BMPR2: variants seen among roughly 807,000 people sequenced by gnomAD.
BMPR2 encodes the protein bone morphogenetic protein receptor type 2.
In BMPR2, 29 loss-of-function variants were observed where a neutral mutation model predicts 100.8. That is an observed-to-expected ratio of 0.29 (90% CI 0.21 to 0.39). BMPR2 has a LOEUF of 0.39. BMPR2 is among the 10% of genes least tolerant of loss of function. BMPR2 has a pLI of 1.00. For missense variants in BMPR2, 1,011 were observed against 1,274.5 expected (o/e 0.79, Z 3.15); for synonymous variants, 382 against 442.3 (o/e 0.86, Z 1.71).
chr2:202,455,855 G>A (rs1486866530), intron 1 of BMPR2, among the ~76,000 whole-genome samples: 3 of 151,762 alleles, frequency 2.0e-5, no homozygotes, highest in Non-Finnish European at 4.4e-5. Flanking sequence ...CATGAGGTCA[G>A]GAGATCGAGA....
chr2:202,428,168 A>G (rs922029431), intron 1 of BMPR2, among the ~76,000 whole-genome samples: 4 of 152,272 alleles, frequency 2.6e-5, no homozygotes, highest in Admixed American at 2.0e-4. Context: ...AGGACAGAAT[A>G]TAATATTCTA....
chr2:202,443,528 TTCTC>T (rs1369180720), intron 1 of BMPR2, among the ~76,000 whole-genome samples: 5 of 149,852 alleles, frequency 3.3e-5, no homozygotes, highest in Non-Finnish European at 7.4e-5. Context: ...TTTCCTTTCT[TTCTC>T]TCTCTCTTTC....
intron 1 of BMPR2, among the ~76,000 whole-genome samples, chr2:202,457,656 A>G (rs950720039): frequency 1.3e-5 from 2 of 151,492 alleles, no homozygotes; most frequent in East Asian, 3.9e-4. Context: ...TCATACTTTC[A>G]TCTTTTTCCC....
chr2:202,392,991 CAA>C (rs57464494), intron 1 of BMPR2, among the ~76,000 whole-genome samples: 1,172 of 95,742 alleles, frequency 0.012, 12 homozygotes, highest in African/African-American at 0.041. Context: ...AACTCCGTCT[CAA>C]AAAAAAAAAA....
At chr2:202,457,460 AAAG>A (rs1172464922) in intron 1 of BMPR2, among the ~76,000 whole-genome samples, 5 of 150,886 alleles carry the variant, frequency 3.3e-5, no homozygotes, top group South Asian at 2.1e-4. Context: ...TTTTAGAATG[AAAG>A]AAGAAACAGA....
In BMPR2 at chr2:202,443,625, G is replaced by A. The variant is rs554093858; in HGVS notation, c.77-21184G>A. ...GTCACCCAGGCTGGAGTGCAGTGGC[G>A]CGATCTCGGCTGACTACAACCTCCA... On this transcript the variant is annotated intron_variant, in intron 1 of 12. Coordinates refer to ENST00000374580, the MANE Select transcript of BMPR2 (RefSeq NM_001204.7). Among the ~76,000 whole-genome samples, 111 of 149,110 alleles carry A rather than the reference G, an allele frequency of 7.4e-4. 7 individuals carry two copies. Among genetic ancestry groups the A allele is most frequent in the African/African-American group, 2.7e-3 (105 of 39,022 alleles).
chr2:202,550,604 C>T (rs76024204), intron 10 of BMPR2, among the ~76,000 whole-genome samples: 18,031 of 151,936 alleles, frequency 0.12, 1,185 homozygotes, highest in Admixed American at 0.14. Context: ...CCTGTAATCC[C>T]AGCACTTTGG....
Position 202,414,359 on chromosome 2 carries a change from C to T in BMPR2, c.76+36809C>T, listed in dbSNP as rs979685824. On this transcript the variant is annotated intron_variant, in intron 1 of 12. Coordinates refer to ENST00000374580, the MANE Select transcript of BMPR2 (RefSeq NM_001204.7). Reference sequence around the variant, plus strand: ...CTGTCTCCCTGTTTTCAGGCCTCCCCGTTTCCTGAGACACAAATATTGAAT... The same window carrying T: ...CTGTCTCCCTGTTTTCAGGCCTCCCTGTTTCCTGAGACACAAATATTGAAT... Among the ~76,000 whole-genome samples the T allele has an allele frequency of 9.2e-5, 14 of 152,204 alleles. No homozygotes were observed. The East Asian group carries it at 1.7e-3, about 19-fold the overall frequency.
intron 3 of BMPR2, among the ~76,000 whole-genome samples, chr2:202,473,828 C>A (rs1257784847): frequency 6.7e-6 from 1 of 148,304 alleles, no homozygotes; most frequent in Middle Eastern, 3.4e-3. Context: ...ATAAAATAGC[C>A]AGGCGCAGTG....
intron 5 of BMPR2, 40 bp downstream of exon 5, chr2:202,515,019 T>G: frequency 2.0e-6 from 3 of 1,522,386 alleles, no homozygotes; most frequent in Non-Finnish European, 2.7e-6. Flanking sequence ...GTTTCTACTG[T>G]GATACTAGAC....
intron 1 of BMPR2, among the ~76,000 whole-genome samples, chr2:202,410,107 C>T (rs1374446199): frequency 6.6e-6 from 1 of 152,056 alleles, no homozygotes; most frequent in Non-Finnish European, 1.5e-5. Context: ...GCCTCAGCCT[C>T]CCTAGTAGCT....
intron 7 of BMPR2, among the ~76,000 whole-genome samples, chr2:202,529,726 GATT>G (rs1478216961): frequency 6.6e-6 from 1 of 152,024 alleles, no homozygotes; most frequent in African/African-American, 2.4e-5. Context: ...TTAAATCAAT[GATT>G]ATTATAATTA....
intron 1 of BMPR2, among the ~76,000 whole-genome samples, chr2:202,395,714 T>C (rs985199145): frequency 1.2e-4 from 19 of 152,258 alleles, no homozygotes; most frequent in African/African-American, 4.1e-4. Context: ...GGCGGGTGGA[T>C]CACCTGAGGT....
In BMPR2 at chr2:202,387,938, TC is replaced by T. The variant is rs545382662; in HGVS notation, c.76+10389del. On this transcript the variant is annotated intron_variant, in intron 1 of 12. Coordinates refer to ENST00000374580, the MANE Select transcript of BMPR2 (RefSeq NM_001204.7). ...AGATGAATTTATTCATGTTACTTATTCAAACAGAGTTTTATGTGGGATATAA... is the reference window on the plus strand; with the variant it reads ...AGATGAATTTATTCATGTTACTTATTAAACAGAGTTTTATGTGGGATATAA... Among the ~76,000 whole-genome samples, 13 of 152,370 alleles carry T rather than the reference TC, an allele frequency of 8.5e-5. No individual in the cohort carries two copies. In the South Asian group the frequency reaches 2.3e-3, roughly 27 times the overall value.
Position 202,519,146 on chromosome 2 carries a change from G to C in BMPR2, c.852+94G>C. 4 of 1,292,950 alleles carry C rather than the reference G, an allele frequency of 3.1e-6. No homozygotes were observed. In the South Asian group the frequency reaches 4.8e-5, roughly 15 times the overall value. 80.1% of individuals were successfully genotyped at this position (1,292,950 alleles called of 1,614,324 possible). A position where few individuals can be genotyped will look rare whatever the true frequency, so the allele number is the denominator to read the frequency against. On this transcript the variant is annotated intron_variant, in intron 6 of 12. Transcript: ENST00000374580. ...GGAGGCTAAGGCAGGTGGATCACTTGAGGCCAAGAGTTCAGGACCAGCCTC... is the reference window on the plus strand; with the variant it reads ...GGAGGCTAAGGCAGGTGGATCACTTCAGGCCAAGAGTTCAGGACCAGCCTC...
At chr2:202,423,393 G>T (rs1221573273) in intron 1 of BMPR2, among the ~76,000 whole-genome samples, 1 of 152,132 alleles carries the variant, frequency 6.6e-6, no homozygotes, top group African/African-American at 2.4e-5. Context: ...CTTCAGACAC[G>T]GGGGCTGTGT....
In BMPR2 at chr2:202,527,763, C is replaced by T. The variant is rs1049495326; in HGVS notation, c.968-3031C>T. 7.1e-4 allele frequency among the ~76,000 whole-genome samples: 108 copies of T among 151,478 alleles called. 1 individual carries two copies. The highest frequency in any genetic ancestry group is 2.3e-3 in the African/African-American group (97 of 41,298). On this transcript the variant is annotated intron_variant, in intron 7 of 12. Coordinates refer to ENST00000374580, the MANE Select transcript of BMPR2 (RefSeq NM_001204.7). ...CATTGCGCCACTGCAGTCGGCAGTC[C>T]GGCCTGGGCGACAGAGCGAGACTCC...
chr2:202,564,364 T>C lies in BMPR2; in HGVS notation c.*4418T>C, dbSNP rs1245270167. On this transcript the variant is annotated 3_prime_UTR_variant, in exon 13 of 13. Coordinates refer to ENST00000374580, the MANE Select transcript of BMPR2 (RefSeq NM_001204.7). ...CTTCATATATTGCTTTATCTTCCCA[T>C]CTAACTTCTTAAAGTTAAAATCCGG... 6.6e-6 allele frequency: 1 copy of C among 152,214 alleles called. No homozygotes were observed. The highest frequency in any genetic ancestry group is 1.5e-5 in the Non-Finnish European group (1 of 68,036). 9.4% of individuals were successfully genotyped at this position (152,214 alleles called of 1,614,324 possible).
chr2:202,532,558 CTA>C lies in BMPR2; in HGVS notation c.1129-26_1129-25del. ...CTTCAGAATATGCTACGTTCTCTCT[CTA>C]AAAAATATCACTCTAATTTATCAGG... is the stretch of plus-strand genomic sequence containing the variant. On this transcript the variant is annotated intron_variant, in intron 8 of 12. Transcript: ENST00000374580. This position sits in a 1 kb window ranked among gnomAD's most constrained non-coding sequence, Gnocchi z 4.1. The C allele has an allele frequency of 1.2e-6, 2 of 1,611,672 alleles. No individual in the cohort carries two copies. Among genetic ancestry groups the C allele is most frequent in the Non-Finnish European group, 8.5e-7 (1 of 1,178,020 alleles).
Sources: allele counts gnomAD v4.1 joint callset (sites outside exome capture counted in the v4.1 genomes callset), GRCh38; gene constraint gnomAD v4.1.1; non-coding constraint Gnocchi (gnomAD v3.1); transcripts MANE v1.5; gene names NCBI Gene and HGNC (gene_info 2026-07-23, HGNC 2026-07-21).